The following ZNF555 variants were observed in gnomAD, a reference collection of about 807,000 sequenced individuals.
The protein encoded by ZNF555 is zinc finger protein 555.
ZNF555 carries 10 observed loss-of-function variants against 14.0 expected under a neutral mutation model. That is an observed-to-expected ratio of 0.72 (90% CI 0.44 to 1.21). ZNF555 has a LOEUF of 1.21. Ranked by LOEUF, ZNF555 falls within the 50% of genes most tolerant of loss-of-function variation. The pLI, the probability that ZNF555 is intolerant of heterozygous loss-of-function variation, is 0.00. For synonymous variants in ZNF555, 277 were observed against 262.4 expected, an observed-to-expected ratio of 1.06 and a Z score of -0.54; for missense variants, 747 against 762.0, an observed-to-expected ratio of 0.98 and a Z score of 0.23.
rs997492633 is a variant in ZNF555, at chr19:2,850,684, T to C, written c.101T>C (p.Leu34Pro). 3 of 1,613,778 alleles carry C rather than the reference T, an allele frequency of 1.9e-6. No homozygotes were observed. Among genetic ancestry groups the C allele is most frequent in the Non-Finnish European group, 8.5e-7 (1 of 1,179,856 alleles). Residue 34 changes from leucine to proline, a missense_variant, in exon 2 of 4, where the codon CTG (leucine) becomes CCG (proline). Leu to Pro is a moderately conservative substitution (Grantham distance 98, BLOSUM62 -3). Coordinates refer to ENST00000334241, the MANE Select transcript of ZNF555 (RefSeq NM_152791.5). ...AGGGACCTCTACAGAGATGTGATGC[T>C]GGAGACCTTTCAGAACCTGGCCTCA... ...AQRDLYRDVM[L>P]ETFQNLASVD... is the part of the protein sequence containing the mutation.
At position 2,852,795 on chromosome 19, in the gene ZNF555, A is replaced by G. The variant is rs1476914624; in HGVS notation, c.730A>G (p.Thr244Ala). The change falls in exon 4 of 4, where the codon ACT becomes GCT. Residue 244 changes from threonine to alanine, a missense_variant. Transcript: ENST00000334241. ...AGCCTTTATTGACTTCTCAAGTCTT[A>G]CTAGTCATCTCAGAAGTCACACCGG... ...GKAFIDFSSL[T>A]SHLRSHTGEK... is the part of the protein sequence containing the mutation. 6.2e-7 allele frequency: 1 copy of G among 1,614,032 alleles called. No individual in the cohort carries two copies. The highest frequency in any genetic ancestry group is 8.5e-7 in the Non-Finnish European group (1 of 1,180,034).
At chr19:2,850,063 A>G (rs1192359379) in intron 1 of ZNF555, among the ~76,000 whole-genome samples, 1 of 152,208 alleles carries the variant, frequency 6.6e-6, no homozygotes, top group African/African-American at 2.4e-5. Flanking sequence ...TCTCAAAAGA[A>G]TGTTTTCATT....
At position 2,854,468 on chromosome 19, in the gene ZNF555, G is replaced by A. The variant is rs527420733; in HGVS notation, c.*516G>A. The A allele has an allele frequency of 6.3e-6, 1 of 159,042 alleles. No individual in the cohort carries two copies. The highest frequency in any genetic ancestry group is 1.8e-4 in the South Asian group (1 of 5,710). 9.9% of individuals were successfully genotyped at this position (159,042 alleles called of 1,614,324 possible). A position where few individuals can be genotyped will look rare whatever the true frequency, so the allele number is the denominator to read the frequency against. ...TGTGACGGAGAAATCCAGAGTTGCA[G>A]ATAGTTCTTCTGCATTGTTGTCAGT... On this transcript the variant is annotated 3_prime_UTR_variant, in exon 4 of 4. Coordinates refer to ENST00000334241, the MANE Select transcript of ZNF555 (RefSeq NM_152791.5).
chr19:2,851,119 G>A lies in ZNF555; in HGVS notation c.131-349G>A, dbSNP rs573775541. ...GTTCAAGCAATTATCTGCCTCAGGC[G>A]CCCAAGTAGCTGGGATTACAGGCGA... On this transcript the variant is annotated intron_variant, in intron 2 of 3. Coordinates refer to ENST00000334241, the MANE Select transcript of ZNF555 (RefSeq NM_152791.5). 4.1e-3 allele frequency among the ~76,000 whole-genome samples: 620 copies of A among 151,134 alleles called. 7 individuals are homozygous for A. The highest frequency in any genetic ancestry group is 0.014 in the African/African-American group (585 of 41,156).
At position 2,844,043 on chromosome 19, in the gene ZNF555, T is replaced by C. The variant is rs565728852; in HGVS notation, c.3+2468T>C. ...GCTACCATGCCTGCCTAATCTATCT[T>C]TCTTTTCTTTTCTTTTTTTTCTTTC... On this transcript the variant is annotated intron_variant, in intron 1 of 3. Coordinates refer to ENST00000334241, the MANE Select transcript of ZNF555 (RefSeq NM_152791.5). 2.6e-5 allele frequency among the ~76,000 whole-genome samples: 4 copies of C among 151,762 alleles called. No homozygotes were observed. In the East Asian group the frequency reaches 7.7e-4, roughly 29 times the overall value.
chr19:2,845,601 A>T (rs1237843243), intron 1 of ZNF555, among the ~76,000 whole-genome samples: 4 of 152,184 alleles, frequency 2.6e-5, no homozygotes, highest in Admixed American at 2.6e-4. Flanking sequence ...ATTCCCTTTC[A>T]CAGCCCTGCC....
rs943923528 is a variant in ZNF555, at chr19:2,854,171, T to G, written c.*219T>G. 2 of 549,588 alleles carry G rather than the reference T, an allele frequency of 3.6e-6. No individual in the cohort carries two copies. The highest frequency in any genetic ancestry group is 1.9e-5 in the African/African-American group (1 of 51,610). The allele number at this position is 549,588 out of a possible 1,614,324, so 34.0% of individuals were successfully genotyped here. ...TTTAATATGCAAGTAGGTTCAAGTT[T>G]TATTTAATTTCTTAAATTGTAACTG... is the stretch of plus-strand genomic sequence containing the variant. On this transcript the variant is annotated 3_prime_UTR_variant, in exon 4 of 4. Transcript: ENST00000334241.
intron 1 of ZNF555, 77 bp downstream of exon 1, chr19:2,841,652 A>T: frequency 1.4e-6 from 2 of 1,393,878 alleles, no homozygotes; most frequent in Non-Finnish European, 1.9e-6. Context: ...GCTTGGGGGG[A>T]GCTGAGGGAC....
rs770895322 is a variant in ZNF555 at position 2,852,439 on chromosome 19, G to T, written c.374G>T (p.Ser125Ile). 5.6e-6 allele frequency: 9 copies of T among 1,614,188 alleles called. No homozygotes were observed. The highest frequency in any genetic ancestry group is 3.3e-4 in the Middle Eastern group (2 of 6,062). Residue 125 changes from serine to isoleucine, a missense_variant, in exon 4 of 4, where the codon AGC becomes ATC. Transcript: ENST00000334241. ...AATGATCAATGTGGAGAAGCCCTCA[G>T]CCAGATTCCACATCTTAATCTGTAC... is the stretch of plus-strand genomic sequence containing the variant. ...ESNDQCGEAL[S>I]QIPHLNLYKK... is the part of the protein sequence containing the mutation.
chr19:2,848,430 G>C (rs1486368523), intron 1 of ZNF555, among the ~76,000 whole-genome samples: 1 of 151,820 alleles, frequency 6.6e-6, no homozygotes, highest in Non-Finnish European at 1.5e-5. Flanking sequence ...GGGATTACAG[G>C]CGTGAGCCAC....
chr19:2,852,300 T>C (rs1289210346), intron 3 of ZNF555, 80 bp from the exon 4 acceptor site: 2 of 1,547,238 alleles, frequency 1.3e-6, no homozygotes, highest in Non-Finnish European at 8.8e-7. Context: ...TCACTGAAAA[T>C]GGTTAAGATG....
rs114038548 is a variant in ZNF555 at position 2,852,284 on chromosome 19, A to C, written c.315-96A>C. The C allele has an allele frequency of 2.4e-3, 3,495 of 1,474,686 alleles. 74 individuals carry two copies. In the African/African-American group the frequency reaches 0.043, roughly 18 times the overall value. 91.4% of individuals were successfully genotyped at this position (1,474,686 alleles called of 1,614,324 possible). On this transcript the variant is annotated intron_variant, in intron 3 of 3. Coordinates refer to ENST00000334241, the MANE Select transcript of ZNF555 (RefSeq NM_152791.5). ...ACAGTTCCCATGGGGTGAAAAACCTATGCTTTCACTGAAAATGGTTAAGAT... is the reference window on the plus strand; with the variant it reads ...ACAGTTCCCATGGGGTGAAAAACCTCTGCTTTCACTGAAAATGGTTAAGAT...
chr19:2,847,684 T>A (rs1488152995), intron 1 of ZNF555, among the ~76,000 whole-genome samples: 1 of 152,230 alleles, frequency 6.6e-6, no homozygotes, highest in East Asian at 1.9e-4. Context: ...ACACTAGTCA[T>A]ATTGGAGTAG....
In ZNF555 at chr19:2,853,194, T is replaced by C; in HGVS notation, c.1129T>C (p.Phe377Leu). 6.2e-7 allele frequency: 1 copy of C among 1,614,162 alleles called. No homozygotes were observed. The highest frequency in any genetic ancestry group is 1.1e-5 in the South Asian group (1 of 91,076). ...PYECKQCGKT[F>L]IYPQSFRRHE... ...CGAATGCAAACAGTGTGGGAAGACC[T>C]TCATTTATCCCCAGTCCTTTCGAAG... Residue 377 changes from phenylalanine (F) to leucine (L), a missense_variant, in exon 4 of 4, where the codon TTC becomes CTC. Coordinates refer to ENST00000334241, the MANE Select transcript of ZNF555 (RefSeq NM_152791.5).
At position 2,850,846 on chromosome 19, in the gene ZNF555, G is replaced by C. The variant is rs544772614; in HGVS notation, c.130+133G>C. On this transcript the variant is annotated intron_variant, in intron 2 of 3. Transcript: ENST00000334241. Reference sequence around the variant, plus strand: ...AAATAAGACAGACATAGTCACAGCTGTCATAGAGCTAGAATGTAATGTTTT... The same window carrying C: ...AAATAAGACAGACATAGTCACAGCTCTCATAGAGCTAGAATGTAATGTTTT... 38 of 1,092,708 alleles carry C rather than the reference G, an allele frequency of 3.5e-5. 1 individual carries two copies. In the South Asian group the frequency reaches 4.6e-4, roughly 13 times the overall value. 67.7% of individuals were successfully genotyped at this position (1,092,708 alleles called of 1,614,324 possible).
At position 2,841,563 on chromosome 19, in the gene ZNF555, G is replaced by A. The variant is rs190325195; in HGVS notation, c.-10G>A. The stretch of plus-strand genomic sequence containing the variant: ...CACCTGCGCCGGTAGCGAAGAAATC[G>A]CCCCGGGACATGGTGAGTGTGGCGC... On this transcript the variant is annotated 5_prime_UTR_variant, in exon 1 of 4. Coordinates refer to ENST00000334241, the MANE Select transcript of ZNF555 (RefSeq NM_152791.5). 17 of 1,544,170 alleles carry A rather than the reference G, an allele frequency of 1.1e-5. No individual in the cohort carries two copies. The South Asian group carries it at 1.9e-4, about 17-fold the overall frequency.
In ZNF555 at chr19:2,854,590, TGAA is replaced by T. The variant is rs1179711385; in HGVS notation, c.*646_*648del. On this transcript the variant is annotated 3_prime_UTR_variant, in exon 4 of 4. Transcript: ENST00000334241. Reference sequence around the variant, plus strand: ...GCAATAACTTGAATGAAATTTAGAATGAAGAAGAAGTAAGTCATCGCTGAGCTT... The same window carrying T: ...GCAATAACTTGAATGAAATTTAGAATGAAGAAGTAAGTCATCGCTGAGCTT... 6 of 153,352 alleles carry T rather than the reference TGAA, an allele frequency of 3.9e-5. No individual in the cohort carries two copies. The highest frequency in any genetic ancestry group is 2.0e-4 in the South Asian group (1 of 4,910). The allele number at this position is 153,352 out of a possible 1,614,324, so 9.5% of individuals were successfully genotyped here.
rs2087671340 is a variant in ZNF555, at chr19:2,854,934, T to C, written c.*982T>C. ...TCTGATTCTCCCGTTCTGTAGATCT[T>C]AACATATTTGCATGGGGTCTAATTT... On this transcript the variant is annotated 3_prime_UTR_variant, in exon 4 of 4. Transcript: ENST00000334241. The C allele has an allele frequency of 6.6e-6, 1 of 152,214 alleles. No homozygotes were observed. The highest frequency in any genetic ancestry group is 1.5e-5 in the Non-Finnish European group (1 of 68,034). 9.4% of individuals were successfully genotyped at this position (152,214 alleles called of 1,614,324 possible).
At chr19:2,843,077 C>T (rs374141240) in intron 1 of ZNF555, among the ~76,000 whole-genome samples, 4 of 151,576 alleles carry the variant, frequency 2.6e-5, no homozygotes, top group Admixed American at 2.6e-4. Context: ...GGGTGAATTT[C>T]AGGAAAAAAA....
Sources: allele counts gnomAD v4.1 joint callset (sites outside exome capture counted in the v4.1 genomes callset), GRCh38; gene constraint gnomAD v4.1.1; transcripts MANE v1.5; gene names NCBI Gene and HGNC (gene_info 2026-07-23, HGNC 2026-07-21).